The following DGKI variants were observed in gnomAD, a reference collection of about 807,000 sequenced individuals.
DGKI encodes diacylglycerol kinase iota, also known as DAG kinase iota.
Under a neutral mutation model 147.5 loss-of-function variants are expected in DGKI, and 55 were observed. The ratio of observed to expected loss-of-function variants is 0.37; its 90% CI spans 0.30 to 0.47. DGKI has a LOEUF of 0.47. Ranked by LOEUF, DGKI falls within the 20% of genes least tolerant of loss-of-function variation. The pLI is 1.00. For missense variants in DGKI, 1,007 were observed against 1,323.8 expected, an observed-to-expected ratio of 0.76 and a Z score of 3.71; for synonymous variants, 469 against 477.1, an observed-to-expected ratio of 0.98 and a Z score of 0.22.
intron 19 of DGKI, among the ~76,000 whole-genome samples, chr7:137,556,352 G>A (rs1563083405): frequency 6.6e-6 from 1 of 151,474 alleles, no homozygotes; most frequent in Non-Finnish European, 1.5e-5. Context: ...AATATTGGAA[G>A]TACTGACCAA....
At chr7:137,631,136 T>C (rs1391296952) in intron 6 of DGKI, among the ~76,000 whole-genome samples, 1 of 152,220 alleles carries the variant, frequency 6.6e-6, no homozygotes, top group Non-Finnish European at 1.5e-5. Context: ...TTGTCTTTAC[T>C]CTTTAGCCTT....
chr7:137,555,490 C>T lies in DGKI; in HGVS notation c.1948-2922G>A, dbSNP rs374398674. 3.3e-3 allele frequency among the ~76,000 whole-genome samples: 497 copies of T among 152,020 alleles called. 2 individuals carry two copies. The highest frequency in any genetic ancestry group is 0.012 in the African/African-American group (483 of 41,480). ...GCAGTGAGCTATGATCACGCCACTG[C>T]ACTCCAGCCTGGCAATAGAGCAAGA... On this transcript the variant is annotated intron_variant, in intron 19 of 32. Coordinates refer to ENST00000614521, the MANE Select transcript of DGKI (RefSeq NM_001321708.2).
chr7:137,449,618 C>T (rs987356012), intron 27 of DGKI, among the ~76,000 whole-genome samples: 38 of 151,974 alleles, frequency 2.5e-4, no homozygotes, highest in African/African-American at 9.2e-4. Flanking sequence ...GCAACAAAAG[C>T]GAAAATAGAG....
chr7:137,630,224 C>T (rs1413022268), intron 6 of DGKI, among the ~76,000 whole-genome samples: 1 of 152,124 alleles, frequency 6.6e-6, no homozygotes, highest in Non-Finnish European at 1.5e-5. Context: ...AGTGCCCTTA[C>T]TGTCTATAAT....
chr7:137,466,094 C>G lies in DGKI; in HGVS notation c.2485-59G>C, dbSNP rs895175440. On this transcript the variant is annotated intron_variant, in intron 25 of 32. Coordinates refer to ENST00000614521, the MANE Select transcript of DGKI (RefSeq NM_001321708.2). ...ATAACAAAACAAGTATTCTTGGTCT[C>G]GAGGAATAATGAAATTCTGCAACGT... 10 of 1,587,824 alleles carry G rather than the reference C, an allele frequency of 6.3e-6. No individual in the cohort carries two copies. In the African/African-American group the frequency reaches 1.3e-4, roughly 21 times the overall value.
chr7:137,688,542 T>C (rs2116446636), intron 2 of DGKI, among the ~76,000 whole-genome samples: 1 of 152,316 alleles, frequency 6.6e-6, no homozygotes, highest in East Asian at 1.9e-4. Context: ...TCTAAATGAT[T>C]AAACTACCCC....
chr7:137,632,125 G>C (rs759771126), intron 6 of DGKI, among the ~76,000 whole-genome samples: 2 of 152,210 alleles, frequency 1.3e-5, no homozygotes, highest in Non-Finnish European at 2.9e-5. Context: ...ACTTGACCTA[G>C]AGAGCTATGG....
chr7:137,421,647 T>C (rs1812575598), intron 28 of DGKI, among the ~76,000 whole-genome samples: 1 of 152,214 alleles, frequency 6.6e-6, no homozygotes, highest in South Asian at 2.1e-4. Context: ...CTCCAAAGCA[T>C]CCCATTTGCT....
chr7:137,435,042 T>C (rs1268925397), intron 28 of DGKI, among the ~76,000 whole-genome samples: 1 of 152,178 alleles, frequency 6.6e-6, no homozygotes, highest in African/African-American at 2.4e-5. Flanking sequence ...GTGACCTATC[T>C]TCTACAACAG....
intron 5 of DGKI, among the ~76,000 whole-genome samples, chr7:137,648,415 T>C (rs1821908156): frequency 6.6e-6 from 1 of 152,250 alleles, no homozygotes; most frequent in Non-Finnish European, 1.5e-5. Context: ...ATCTTAACAC[T>C]GACTTCATCA....
At chr7:137,754,291 G>T (rs116681299) in intron 1 of DGKI, among the ~76,000 whole-genome samples, 1 of 152,128 alleles carries the variant, frequency 6.6e-6, no homozygotes, top group African/African-American at 2.4e-5. Flanking sequence ...GTCCCCAGGA[G>T]GTCCTTGTGT....
chr7:137,424,076 T>C (rs1022141917), intron 28 of DGKI, among the ~76,000 whole-genome samples: 2 of 152,150 alleles, frequency 1.3e-5, no homozygotes, highest in African/African-American at 2.4e-5. Context: ...TATAAGCATA[T>C]GACAGTTATT....
chr7:137,620,942 T>C (rs1483140039), intron 7 of DGKI, among the ~76,000 whole-genome samples: 1 of 152,246 alleles, frequency 6.6e-6, no homozygotes, highest in East Asian at 1.9e-4. Flanking sequence ...TTATTTATCA[T>C]TTTAACTGGA....
intron 27 of DGKI, among the ~76,000 whole-genome samples, chr7:137,457,090 A>G (rs772339133): frequency 1.6e-4 from 25 of 152,206 alleles, no homozygotes; most frequent in Non-Finnish European, 2.8e-4. Flanking sequence ...GAAGGAAGAC[A>G]TATGTCAGCT....
chr7:137,820,879 A>T (rs771055633), intron 1 of DGKI, among the ~76,000 whole-genome samples: 5 of 152,160 alleles, frequency 3.3e-5, no homozygotes, highest in Non-Finnish European at 7.4e-5. Context: ...GCCTTGCTAA[A>T]GGGTGAGGAG....
At chr7:137,532,173 T>C (rs1817363697) in intron 20 of DGKI, among the ~76,000 whole-genome samples, 3 of 152,114 alleles carry the variant, frequency 2.0e-5, no homozygotes, top group South Asian at 4.1e-4. Context: ...CAATTATGTA[T>C]AGAAAGAATG....
chr7:137,478,886 A>G (rs1815271593), intron 23 of DGKI, among the ~76,000 whole-genome samples: 1 of 152,184 alleles, frequency 6.6e-6, no homozygotes, highest in South Asian at 2.1e-4. Context: ...ATGTACAGTG[A>G]CCTATTTTCC....
Position 137,394,269 on chromosome 7 carries a change from CG to C in DGKI, c.3057+1328del, listed in dbSNP as rs1186178518. On this transcript the variant is annotated intron_variant, in intron 32 of 32. Transcript: ENST00000614521. ...AAATTCGTAAACTTTCTTAAAACAT[CG>C]TAAGATTTGTGTGTGTGTGTGATTT... is the stretch of plus-strand genomic sequence containing the variant. 3.9e-5 allele frequency among the ~76,000 whole-genome samples: 6 copies of C among 152,202 alleles called. No homozygotes were observed. The East Asian group carries it at 1.2e-3, about 29-fold the overall frequency.
At chr7:137,621,612 T>A (rs1459927001) in intron 7 of DGKI, among the ~76,000 whole-genome samples, 1 of 152,194 alleles carries the variant, frequency 6.6e-6, no homozygotes, top group African/African-American at 2.4e-5. Context: ...GTACCTATTA[T>A]CCTTACAAAA....
Sources: gnomAD v4.1 joint callset for allele counts (sites outside exome capture counted in the v4.1 genomes callset) on GRCh38, gnomAD v4.1.1 for gene constraint, MANE v1.5 for transcripts, NCBI Gene and HGNC (gene_info 2026-07-23, HGNC 2026-07-21) for gene names.